Variants in CHODL observed in about 807,000 individuals in gnomAD.
The protein encoded by CHODL is chondrolectin.
CHODL carries 29 observed loss-of-function variants against 34.5 expected under a neutral mutation model. The ratio of observed to expected loss-of-function variants is 0.84; its 90% CI spans 0.63 to 1.15. The LOEUF is 1.15. Ranked by LOEUF, CHODL falls within the 50% of genes most tolerant of loss-of-function variation. The pLI is 0.00. For missense variants in CHODL, 332 were observed against 332.5 expected, an observed-to-expected ratio of 1.00 and a Z score of 0.01; for synonymous variants, 125 against 116.1, an observed-to-expected ratio of 1.08 and a Z score of -0.49.
chr21:18,210,407 T>C (rs1452555981), intron 2 of CHODL, among the ~76,000 whole-genome samples: 1 of 152,190 alleles, frequency 6.6e-6, no homozygotes, highest in Non-Finnish European at 1.5e-5. Context: ...TCTTTCCTAC[T>C]CTCTTCAGTG....
chr21:17,990,013 C>T (rs964090234), intron 1 of CHODL, among the ~76,000 whole-genome samples: 3 of 152,038 alleles, frequency 2.0e-5, no homozygotes, highest in Non-Finnish European at 4.4e-5. Context: ...CTGTTTGAGG[C>T]TCTCCTGTGG....
intron 3 of CHODL, among the ~76,000 whole-genome samples, chr21:18,258,496 A>G (rs986148201): frequency 6.6e-6 from 1 of 151,992 alleles, no homozygotes; most frequent in Non-Finnish European, 1.5e-5. Flanking sequence ...TTATTTTTGC[A>G]TCAAAATTTA....
At chr21:18,098,645 C>T (rs1367831983) in intron 2 of CHODL, among the ~76,000 whole-genome samples, 1 of 152,036 alleles carries the variant, frequency 6.6e-6, no homozygotes, top group Non-Finnish European at 1.5e-5. Context: ...ATTATTACAA[C>T]CATTATGGAA....
intron 2 of CHODL, among the ~76,000 whole-genome samples, chr21:18,133,732 T>C (rs1428715152): frequency 1.3e-5 from 2 of 152,166 alleles, no homozygotes; most frequent in African/African-American, 4.8e-5. Flanking sequence ...AAGCCAACTA[T>C]ATGTATAACA....
intron 2 of CHODL, among the ~76,000 whole-genome samples, chr21:18,050,696 C>T (rs538705838): frequency 2.2e-4 from 34 of 151,826 alleles, no homozygotes; most frequent in East Asian, 1.4e-3. Flanking sequence ...GACACACTTA[C>T]GTAAGGATCA....
intron 2 of CHODL, among the ~76,000 whole-genome samples, chr21:18,182,666 TAATA>T (rs771925114): frequency 2.4e-4 from 36 of 152,334 alleles, no homozygotes; most frequent in Admixed American, 1.0e-3. Context: ...AATTCTATTT[TAATA>T]AATCCCATAT....
At chr21:18,265,310 C>CACACATATATAT (rs1555887739) in intron 5 of CHODL, among the ~76,000 whole-genome samples, 1 of 147,150 alleles carries the variant, frequency 6.8e-6, no homozygotes, top group African/African-American at 2.5e-5. Flanking sequence ...CACACACACA[C>CACACATATATAT]ATATATATAT....
chr21:18,225,733 A>T (rs2073925476), intron 2 of CHODL, among the ~76,000 whole-genome samples: 1 of 152,136 alleles, frequency 6.6e-6, no homozygotes, highest in African/African-American at 2.4e-5. Context: ...AACATAAGAG[A>T]GTAATAAAAA....
intron 2 of CHODL, among the ~76,000 whole-genome samples, chr21:18,075,280 C>G (rs1203166980): frequency 6.6e-6 from 1 of 152,136 alleles, no homozygotes; most frequent in African/African-American, 2.4e-5. Flanking sequence ...CTTTGCCAAC[C>G]TCTGAAAATG....
intron 2 of CHODL, among the ~76,000 whole-genome samples, chr21:18,165,410 T>G (rs550017206): frequency 1.3e-5 from 2 of 152,380 alleles, no homozygotes; most frequent in South Asian, 4.1e-4. Context: ...CTTTGACATT[T>G]ATTATACATT....
intron 2 of CHODL, among the ~76,000 whole-genome samples, chr21:18,079,503 A>G (rs1383662329): frequency 1.3e-5 from 2 of 149,228 alleles, no homozygotes; most frequent in African/African-American, 4.9e-5. Flanking sequence ...GAATATATGT[A>G]TCACACATAT....
At chr21:18,145,570 G>C (rs1484067095) in intron 2 of CHODL, among the ~76,000 whole-genome samples, 1 of 152,086 alleles carries the variant, frequency 6.6e-6, no homozygotes, top group Non-Finnish European at 1.5e-5. Context: ...ATAGAATGGA[G>C]GGTGGGCTGT....
At chr21:18,015,755 G>A (rs1240493658) in intron 1 of CHODL, among the ~76,000 whole-genome samples, 2 of 152,206 alleles carry the variant, frequency 1.3e-5, no homozygotes, top group Non-Finnish European at 2.9e-5. Flanking sequence ...GGGAACTGGA[G>A]CAAAGATCAT....
intron 2 of CHODL, among the ~76,000 whole-genome samples, chr21:18,200,807 A>G (rs957969712): frequency 2.1e-4 from 32 of 151,258 alleles, no homozygotes; most frequent in African/African-American, 7.4e-4. Flanking sequence ...TTGTATACTT[A>G]TAAGAGGAGG....
Position 18,040,101 on chromosome 21 carries a change from G to A in CHODL, c.-45+12130G>A, listed in dbSNP as rs188796086. Among the ~76,000 whole-genome samples, 251 of 151,794 alleles carry A rather than the reference G, an allele frequency of 1.7e-3. 6 individuals are homozygous for A. The highest frequency in any genetic ancestry group is 0.014 in the Admixed American group (218 of 15,206). On this transcript the variant is annotated intron_variant, in intron 2 of 6. Transcript: ENST00000400127. ...ACTATTCAAACCTCTTATCATAATTGAGTCTTATAATTTATTTGTTAAAGG... is the reference window on the plus strand; with the variant it reads ...ACTATTCAAACCTCTTATCATAATTAAGTCTTATAATTTATTTGTTAAAGG...
At chr21:18,126,027 A>G (rs1186493746) in intron 2 of CHODL, among the ~76,000 whole-genome samples, 2 of 152,208 alleles carry the variant, frequency 1.3e-5, no homozygotes, top group Admixed American at 1.3e-4. Context: ...TTTTAAAAAA[A>G]TGCAACAGTC....
intron 2 of CHODL, among the ~76,000 whole-genome samples, chr21:18,177,444 G>A (rs2073329992): frequency 6.6e-6 from 1 of 152,140 alleles, no homozygotes; most frequent in Admixed American, 6.5e-5. Flanking sequence ...TTCTGTGTAT[G>A]TAGCTTCAGC....
chr21:18,113,751 C>T (rs2065379712), intron 2 of CHODL, among the ~76,000 whole-genome samples: 1 of 152,248 alleles, frequency 6.6e-6, no homozygotes, highest in African/African-American at 2.4e-5. Context: ...GGACACAAAT[C>T]CAAGCTATAT....
chr21:17,973,710 G>A (rs1435649821), intron 1 of CHODL, among the ~76,000 whole-genome samples: 3 of 150,322 alleles, frequency 2.0e-5, no homozygotes, highest in South Asian at 2.1e-4. Context: ...GTGAGCCACC[G>A]CGCCCAGACT....
Sources: gnomAD v4.1 joint callset for allele counts (sites outside exome capture counted in the v4.1 genomes callset) on GRCh38, gnomAD v4.1.1 for gene constraint, MANE v1.5 for transcripts, NCBI Gene and HGNC (gene_info 2026-07-23, HGNC 2026-07-21) for gene names.